KNTC1: variants seen among roughly 807,000 people sequenced by gnomAD.
KNTC1 encodes kinetochore-associated protein 1.
Under a neutral mutation model 314.4 loss-of-function variants are expected in KNTC1, and 253 were observed. That is an observed-to-expected ratio of 0.80 (90% CI 0.73 to 0.89). KNTC1 has a LOEUF of 0.89. Among genes scored for constraint, KNTC1 ranks in the 40% least tolerant of loss-of-function variants. The pLI is 0.00. For synonymous variants in KNTC1, 901 were observed against 901.4 expected, an observed-to-expected ratio of 1.00 and a Z score of 0.01; for missense variants, 2,475 against 2,572.9, an observed-to-expected ratio of 0.96 and a Z score of 0.82.
chr12:122,610,599 G>C (rs1175964159), intron 52 of KNTC1, among the ~76,000 whole-genome samples: 1 of 152,212 alleles, frequency 6.6e-6, no homozygotes, highest in African/African-American at 2.4e-5. Flanking sequence ...GGAGGCTGAA[G>C]CCTGGCGTTT....
intron 20 of KNTC1, chr12:122,563,804 T>C (rs979118928): frequency 1.1e-5 from 16 of 1,472,540 alleles, no homozygotes; most frequent in African/African-American, 2.9e-5. Flanking sequence ...CCACAGTTTT[T>C]TCAGCTTCAG....
At position 122,568,324 on chromosome 12, in the gene KNTC1, A is replaced by G. The variant is rs1964476740; in HGVS notation, c.1668A>G (p.Leu556=). ...ATCTTAAAGATATTTTTTTACAGCT[A>G]AAAGAAGGAAACCTTGTTTGTGCAC... ...EDDLKDIFLQ[L]KEGNLVCAQY... Residue 556 remains leucine, a synonymous_variant, in exon 21 of 64, where the codon CTA becomes CTG. Coordinates refer to ENST00000333479, the MANE Select transcript of KNTC1 (RefSeq NM_014708.6). The G allele has an allele frequency of 1.2e-6, 2 of 1,601,390 alleles. No homozygotes were observed. Among genetic ancestry groups the G allele is most frequent in the African/African-American group, 1.3e-5 (1 of 74,598 alleles).
chr12:122,592,429 A>C (rs1870384705), intron 42 of KNTC1, among the ~76,000 whole-genome samples: 1 of 152,222 alleles, frequency 6.6e-6, no homozygotes, highest in East Asian at 1.9e-4. Context: ...CGGGACTGGC[A>C]GGCAGCTCCA....
chr12:122,597,620 G>A (rs1166898059), intron 43 of KNTC1, 111 bp from the exon 44 acceptor site: 1 of 853,532 alleles, frequency 1.2e-6, no homozygotes, highest in Non-Finnish European at 1.9e-6. Flanking sequence ...ACTGGACAAT[G>A]ACAAGGTTAA....
chr12:122,529,988 A>G lies in KNTC1; in HGVS notation c.-73-3A>G. Reference sequence around the variant, plus strand: ...CCCAAGGAACCAGGTTCTATGCAACAAGATAATATGGTGTCTAATTTTATG... The same window carrying G: ...CCCAAGGAACCAGGTTCTATGCAACGAGATAATATGGTGTCTAATTTTATG... On this transcript the variant is annotated splice_region_variant and splice_polypyrimidine_tract_variant and intron_variant, in intron 1 of 63. Transcript: ENST00000333479. 2.7e-6 allele frequency: 4 copies of G among 1,490,472 alleles called. No homozygotes were observed. The highest frequency in any genetic ancestry group is 2.7e-6 in the Non-Finnish European group (3 of 1,104,964). The allele number at this position is 1,490,472 out of a possible 1,614,324, so 92.3% of individuals were successfully genotyped here. A position where few individuals can be genotyped will look rare whatever the true frequency, so the allele number is the denominator to read the frequency against.
rs756578791 is a variant in KNTC1 at position 122,624,646 on chromosome 12, G to T, written c.6564G>T (p.Gly2188=). The T allele has an allele frequency of 2.5e-6, 4 of 1,613,462 alleles. No homozygotes were observed. In the East Asian group the frequency reaches 8.9e-5, roughly 36 times the overall value. ...TAACTGAATATTCAAAGCACTGCGG[G>T]AAACCTGTGCCTCCAGACACTGCTC... The part of the protein sequence containing the change: ...VLITEYSKHC[G]KPVPPDTAPC... The change falls in exon 63 of 64, where the codon GGG becomes GGT. Residue 2188 remains glycine, a synonymous_variant. Coordinates refer to ENST00000333479, the MANE Select transcript of KNTC1 (RefSeq NM_014708.6).
Position 122,544,206 on chromosome 12 carries a change from T to C in KNTC1, c.606T>C (p.His202=), listed in dbSNP as rs1565938563. Residue 202 remains histidine, a synonymous_variant, in exon 8 of 64, where the codon CAT becomes CAC. Transcript: ENST00000333479. Reference sequence around the variant, plus strand: ...GTTTTATTTCTACTGAAAATTATCATACTCTTGGTTGTCTCAGTCTTGTGG... The same window carrying C: ...GTTTTATTTCTACTGAAAATTATCACACTCTTGGTTGTCTCAGTCTTGTGG... ...KSSFISTENY[H]TLGCLSLVAG... is the part of the protein sequence containing the mutation. The C allele has an allele frequency of 6.3e-7, 1 of 1,585,354 alleles. No individual in the cohort carries two copies. The highest frequency in any genetic ancestry group is 8.5e-7 in the Non-Finnish European group (1 of 1,170,934).
chr12:122,611,011 C>T (rs901998615), intron 53 of KNTC1, 111 bp downstream of exon 53: 39 of 750,850 alleles, frequency 5.2e-5, no homozygotes, highest in Admixed American at 3.7e-4. Context: ...ATAATGCTCA[C>T]GTACATATGT....
At chr12:122,545,767 C>T (rs997752619) in intron 8 of KNTC1, among the ~76,000 whole-genome samples, 5 of 151,762 alleles carry the variant, frequency 3.3e-5, no homozygotes, top group African/African-American at 4.8e-5. Flanking sequence ...GTCTCAGCAA[C>T]ATAGGGAGAC....
intron 62 of KNTC1, among the ~76,000 whole-genome samples, chr12:122,623,523 T>C (rs1197909395): frequency 6.6e-6 from 1 of 152,198 alleles, no homozygotes; most frequent in Non-Finnish European, 1.5e-5. Context: ...TTTGAGCAAG[T>C]ATTTTTTGAG....
At chr12:122,597,961 C>T (rs774878456) in intron 44 of KNTC1, 23 bp downstream of exon 44, 12 of 1,586,342 alleles carry the variant, frequency 7.6e-6, no homozygotes, top group Admixed American at 5.0e-5. Flanking sequence ...TGAAATGAAT[C>T]GGGTCATCTC....
At chr12:122,531,972 A>G (rs1327111963) in intron 2 of KNTC1, among the ~76,000 whole-genome samples, 1 of 150,680 alleles carries the variant, frequency 6.6e-6, no homozygotes, top group Non-Finnish European at 1.5e-5. Context: ...TGACCTCGTG[A>G]TCCGCCCGGC....
intron 51 of KNTC1, chr12:122,609,114 A>G (rs891025805): frequency 1.8e-5 from 7 of 393,256 alleles, no homozygotes; most frequent in African/African-American, 1.1e-4. Flanking sequence ...CCAGGAGGAC[A>G]GGAACATTTG....
chr12:122,609,133 A>T (rs942618081), intron 51 of KNTC1: 29 of 421,358 alleles, frequency 6.9e-5, no homozygotes, highest in Admixed American at 1.4e-4. Flanking sequence ...TGCTTTATTT[A>T]CTCAGGCAAT....
Position 122,562,086 on chromosome 12 carries a change from C to G in KNTC1, c.1542+112C>G, listed in dbSNP as rs532136940. ...AAGAGCAAGTTATTTCAATACCTTACTTTTCTTATCTGCAAAATGGTAATA... is the reference window on the plus strand; with the variant it reads ...AAGAGCAAGTTATTTCAATACCTTAGTTTTCTTATCTGCAAAATGGTAATA... On this transcript the variant is annotated intron_variant, in intron 19 of 63. Coordinates refer to ENST00000333479, the MANE Select transcript of KNTC1 (RefSeq NM_014708.6). The G allele has an allele frequency of 1.8e-5, 18 of 1,010,456 alleles. No homozygotes were observed. The African/African-American group carries it at 2.8e-4, about 16-fold the overall frequency. The allele number at this position is 1,010,456 out of a possible 1,614,324, so 62.6% of individuals were successfully genotyped here. A position where few individuals can be genotyped will look rare whatever the true frequency, so the allele number is the denominator to read the frequency against.
chr12:122,585,771 G>C lies in KNTC1; in HGVS notation c.3670G>C (p.Ala1224Pro). The C allele has an allele frequency of 6.2e-7, 1 of 1,613,476 alleles. No homozygotes were observed. The highest frequency in any genetic ancestry group is 1.1e-5 in the South Asian group (1 of 91,072). ...ACTGATTTCATCTCTTGTGCCTCTAGCTGGTAAGTCTTATTTGTATCATTA... is the reference window on the plus strand; with the variant it reads ...ACTGATTTCATCTCTTGTGCCTCTACCTGGTAAGTCTTATTTGTATCATTA... ...YELISSLVPLAESKRYPLEST... is the reference protein window; with the variant it reads ...YELISSLVPLPESKRYPLEST... Residue 1224 changes from alanine to proline, a missense_variant, in exon 37 of 64, where the codon GCT (alanine) becomes CCT (proline). Physicochemically the swap from Ala to Pro is conservative, Grantham distance 27. Coordinates refer to ENST00000333479, the MANE Select transcript of KNTC1 (RefSeq NM_014708.6).
chr12:122,616,823 A>G (rs1314246433), intron 57 of KNTC1, among the ~76,000 whole-genome samples: 1 of 152,152 alleles, frequency 6.6e-6, no homozygotes, highest in East Asian at 1.9e-4. Context: ...CAGCCTCACC[A>G]TTATCTAATT....
At chr12:122,608,330 A>G (rs1872750997) in intron 51 of KNTC1, among the ~76,000 whole-genome samples, 1 of 152,112 alleles carries the variant, frequency 6.6e-6, no homozygotes, top group Admixed American at 6.6e-5. Flanking sequence ...GGTTTTCGCC[A>G]TGTTGCCCAG....
intron 32 of KNTC1, 50 bp downstream of exon 32, chr12:122,580,027 C>A: frequency 7.8e-7 from 1 of 1,283,444 alleles, no homozygotes; most frequent in Non-Finnish European, 1.1e-6. Context: ...AAAGCTCACC[C>A]TCTTCAGAAA....
Sources: gnomAD v4.1 joint callset for allele counts (sites outside exome capture counted in the v4.1 genomes callset) on GRCh38, gnomAD v4.1.1 for gene constraint, MANE v1.5 for transcripts, NCBI Gene and HGNC (gene_info 2026-07-23, HGNC 2026-07-21) for gene names.